MMP26: variants seen among roughly 807,000 people sequenced by gnomAD.
The protein encoded by MMP26 is matrix metalloproteinase-26.
MMP26 carries 33 observed loss-of-function variants against 31.0 expected under a neutral mutation model. The observed-to-expected ratio is 1.06, with a 90% CI of 0.81 to 1.42. The LOEUF (loss-of-function observed/expected upper bound fraction) is 1.42, where lower values mean the gene tolerates loss of function less well. MMP26 is among the 40% of genes most tolerant of loss of function. The pLI, the probability that MMP26 is intolerant of heterozygous loss-of-function variation, is 0.00. For missense variants in MMP26, 347 were observed against 316.1 expected (o/e 1.10, Z -0.74); for synonymous variants, 122 against 114.9 (o/e 1.06, Z -0.40).
chr11:4,838,724 T>C (rs138497580), intron 2 of MMP26, among the ~76,000 whole-genome samples: 95 of 152,246 alleles, frequency 6.2e-4, no homozygotes, highest in Admixed American at 1.4e-3. Context: ...TAGAAAGTTA[T>C]CGAGATTCAG....
At chr11:4,752,051 A>T (rs1848453089) in intron 1 of MMP26, 1 of 152,166 alleles carries the variant, frequency 6.6e-6, no homozygotes, top group African/African-American at 2.4e-5. Context: ...ATTCCCTTGG[A>T]ACATACAAAT....
intron 1 of MMP26, chr11:4,723,353 C>A: frequency 1.0e-6 from 1 of 970,622 alleles, no homozygotes; most frequent in Non-Finnish European, 1.7e-6. Flanking sequence ...ATGCTCTCAG[C>A]CTCCGCCCGG....
chr11:4,716,114 A>G lies in MMP26; in HGVS notation c.-217+11069A>G, dbSNP rs531981465. On this transcript the variant is annotated intron_variant, in intron 1 of 7. Coordinates refer to ENST00000380390, the MANE Select transcript of MMP26 (RefSeq NM_021801.5). ...CAGCAAGAAATTGGAGACCTCAACCATATACCACAAGGAACTAAATTCCTA... is the reference window on the plus strand; with the variant it reads ...CAGCAAGAAATTGGAGACCTCAACCGTATACCACAAGGAACTAAATTCCTA... Among the ~76,000 whole-genome samples the G allele has an allele frequency of 7.2e-5, 11 of 152,326 alleles. No homozygotes were observed. The South Asian group carries it at 1.9e-3, about 26-fold the overall frequency.
At chr11:4,856,228 C>A (rs1050904407) in intron 2 of MMP26, among the ~76,000 whole-genome samples, 8 of 152,136 alleles carry the variant, frequency 5.3e-5, no homozygotes, top group African/African-American at 1.9e-4. Context: ...ACAATATTAA[C>A]CTTAAATGTA....
intron 2 of MMP26, among the ~76,000 whole-genome samples, chr11:4,975,454 A>G (rs1022005302): frequency 3.9e-5 from 6 of 152,076 alleles, no homozygotes; most frequent in Non-Finnish European, 1.5e-5. Context: ...TTAAGTCTTC[A>G]GTGGAAAACT....
Position 4,923,740 on chromosome 11 carries a change from A to C in MMP26, c.-144-64328A>C, listed in dbSNP as rs1413823311. 5 of 1,613,982 alleles carry C rather than the reference A, an allele frequency of 3.1e-6. No homozygotes were observed. The Middle Eastern group carries it at 6.6e-4, about 212-fold the overall frequency. ...CGGTGCAGGCCACAACAAAGAGCCC[A>C]TAGATGTGATTGACAATGATGCTAG... On this transcript the variant is annotated intron_variant, in intron 2 of 7. Transcript: ENST00000380390.
intron 2 of MMP26, among the ~76,000 whole-genome samples, chr11:4,854,145 A>G (rs1386061024): frequency 1.3e-5 from 2 of 152,216 alleles, no homozygotes; most frequent in Non-Finnish European, 2.9e-5. Context: ...AGCTCCCAGC[A>G]TGAGTGACAC....
chr11:4,768,308 G>T (rs1298782510), intron 2 of MMP26, among the ~76,000 whole-genome samples: 1 of 152,094 alleles, frequency 6.6e-6, no homozygotes, highest in Admixed American at 6.5e-5. Context: ...GTCCAACACT[G>T]GATAGTGACT....
At chr11:4,951,437 T>G (rs538097822) in intron 2 of MMP26, among the ~76,000 whole-genome samples, 1 of 125,064 alleles carries the variant, frequency 8.0e-6, no homozygotes, top group Non-Finnish European at 1.8e-5. Flanking sequence ...GGCTGTTACA[T>G]AAACTGATTT....
At chr11:4,899,253 T>C (rs1385342224) in intron 2 of MMP26, among the ~76,000 whole-genome samples, 3 of 152,202 alleles carry the variant, frequency 2.0e-5, no homozygotes, top group Admixed American at 6.5e-5. Context: ...CAGTCTACTC[T>C]TGTATTACTC....
At chr11:4,819,361 C>T (rs947231084) in intron 2 of MMP26, among the ~76,000 whole-genome samples, 1 of 151,334 alleles carries the variant, frequency 6.6e-6, no homozygotes, top group Non-Finnish European at 1.5e-5. Context: ...TGAAGAATGC[C>T]AAATATAAGG....
intron 1 of MMP26, chr11:4,724,025 G>A: frequency 2.9e-6 from 2 of 682,610 alleles, no homozygotes; most frequent in South Asian, 1.6e-5. Context: ...CCTCCACCCA[G>A]GCTACCCCGG....
chr11:4,936,694 G>A (rs1214772854), intron 2 of MMP26, among the ~76,000 whole-genome samples: 1 of 152,092 alleles, frequency 6.6e-6, no homozygotes, highest in African/African-American at 2.4e-5. Flanking sequence ...AAAAGCAATA[G>A]CCAGAGCTAA....
intron 2 of MMP26, among the ~76,000 whole-genome samples, chr11:4,940,714 A>T (rs1195073475): frequency 1.3e-5 from 2 of 152,170 alleles, no homozygotes; most frequent in East Asian, 3.9e-4. Flanking sequence ...TCTAGGGCCA[A>T]ACTCATAATG....
intron 1 of MMP26, chr11:4,736,286 A>C (rs149765056): frequency 4.6e-5 from 7 of 152,270 alleles, no homozygotes; most frequent in African/African-American, 1.7e-4. Context: ...GAGTGTGGGC[A>C]TAAGGAGGCG....
chr11:4,815,126 A>G (rs1373134126), intron 2 of MMP26, among the ~76,000 whole-genome samples: 1 of 152,224 alleles, frequency 6.6e-6, no homozygotes, highest in Non-Finnish European at 1.5e-5. Context: ...ACCTTTCACT[A>G]AATACACAAT....
At chr11:4,772,234 G>A (rs572887130) in intron 2 of MMP26, among the ~76,000 whole-genome samples, 3 of 151,318 alleles carry the variant, frequency 2.0e-5, no homozygotes, top group Non-Finnish European at 4.4e-5. Flanking sequence ...GACATTAAAT[G>A]CAGAGGAAAA....
At chr11:4,793,472 A>G (rs539115716) in intron 2 of MMP26, among the ~76,000 whole-genome samples, 7 of 152,344 alleles carry the variant, frequency 4.6e-5, no homozygotes, top group South Asian at 4.1e-4. Flanking sequence ...AGGAAAATCC[A>G]GAATGTAGGA....
chr11:4,940,458 C>T (rs1339919110), intron 2 of MMP26, among the ~76,000 whole-genome samples: 1 of 152,108 alleles, frequency 6.6e-6, no homozygotes, highest in Non-Finnish European at 1.5e-5. Flanking sequence ...CAAATTTTGT[C>T]AGACATTTTG....
Sources: gnomAD v4.1 joint callset for allele counts (sites outside exome capture counted in the v4.1 genomes callset) on GRCh38, gnomAD v4.1.1 for gene constraint, MANE v1.5 for transcripts, NCBI Gene and HGNC (gene_info 2026-07-23, HGNC 2026-07-21) for gene names.